Variants in KMT2D observed in about 807,000 individuals in gnomAD.
The protein encoded by KMT2D is lysine methyltransferase 2D.
A neutral mutation model predicts 512.7 loss-of-function variants in KMT2D; 55 were observed. The ratio of observed to expected loss-of-function variants is 0.11; its 90% CI spans 0.09 to 0.13. The LOEUF (loss-of-function observed/expected upper bound fraction) is 0.13, where lower values mean the gene tolerates loss of function less well. Ranked by LOEUF, KMT2D falls within the 10% of genes least tolerant of loss-of-function variation. KMT2D has a pLI of 1.00. For synonymous variants in KMT2D, 2,995 were observed against 2,904.0 expected, an observed-to-expected ratio of 1.03 and a Z score of -1.01; for missense variants, 6,061 against 7,127.9, an observed-to-expected ratio of 0.85 and a Z score of 5.39.
In KMT2D at chr12:49,026,060, G is replaced by A; in HGVS notation, c.15784+122C>T. The A allele has an allele frequency of 4.3e-6, 4 of 934,406 alleles. No individual in the cohort carries two copies. Among genetic ancestry groups the A allele is most frequent in the Non-Finnish European group, 6.3e-6 (4 of 636,228 alleles). 57.9% of individuals were successfully genotyped at this position (934,406 alleles called of 1,614,324 possible). On this transcript the variant is annotated intron_variant, in intron 49 of 54. Transcript: ENST00000301067. This position sits in a 1 kb window ranked among gnomAD's most constrained non-coding sequence, Gnocchi z 9.6. Reference sequence around the variant, plus strand: ...TTTTCAAGAGACCCCCTGCCTGCCTGAGGTGGGGGAAGGAGGATCATTCAC... The same window carrying A: ...TTTTCAAGAGACCCCCTGCCTGCCTAAGGTGGGGGAAGGAGGATCATTCAC...
chr12:49,048,531 G>A, intron 14 of KMT2D, 128 bp downstream of exon 14: 1 of 660,244 alleles, frequency 1.5e-6, no homozygotes. Context: ...TGAATAACAT[G>A]ATTAGAATTC....
chr12:49,043,606 C>T (rs1943641474), intron 24 of KMT2D, 29 bp downstream of exon 24: 1 of 1,613,038 alleles, frequency 6.2e-7, no homozygotes, highest in Non-Finnish European at 8.5e-7. Flanking sequence ...GTTGGATTCT[C>T]TCACACCACT....
At position 49,043,419 on chromosome 12, in the gene KMT2D, C is replaced by A. The variant is rs574989512; in HGVS notation, c.5477G>T (p.Gly1826Val). ...ELPTSQKGDD[G>V]PDIADEESRG... is the part of the protein sequence containing the mutation. Reference sequence around the variant, plus strand: ...GGATTCTTCATCTGCAATATCTGGACCATCATCTCCTATGAGCAAGAGTCC... The same window carrying A: ...GGATTCTTCATCTGCAATATCTGGAACATCATCTCCTATGAGCAAGAGTCC... Residue 1826 changes from glycine to valine, a missense_variant, in exon 25 of 55, where the codon GGT becomes GTT. Around this residue, in one of 16 missense-constraint regions of KMT2D, gnomAD observed 640 missense variants for 814.3 expected, o/e 0.79. Transcript: ENST00000301067. 707 of 1,613,920 alleles carry A rather than the reference C, an allele frequency of 4.4e-4. 13 individuals carry two copies. The South Asian group carries it at 7.5e-3, about 17-fold the overall frequency.
rs33963995 is a variant in KMT2D, at chr12:49,029,677, GTT to G, written c.14000-203_14000-202del. Among the ~76,000 whole-genome samples, 3,200 of 132,034 alleles carry G rather than the reference GTT, an allele frequency of 0.024. 102 individuals are homozygous for G. The highest frequency in any genetic ancestry group is 0.082 in the African/African-American group (2,929 of 35,570). The allele number at this position is 132,034 out of a possible 152,430, so 86.6% of individuals were successfully genotyped here. ...GGCACTGTTGTTTTTTGTTTTTTTT[GTT>G]TTTTTTTTTTTTTTCCCGTAGAGAT... On this transcript the variant is annotated intron_variant, in intron 43 of 54. Coordinates refer to ENST00000301067, the MANE Select transcript of KMT2D (RefSeq NM_003482.4).
intron 1 of KMT2D, among the ~76,000 whole-genome samples, chr12:49,057,832 T>G (rs190124007): frequency 1.2e-3 from 181 of 152,256 alleles, no homozygotes; most frequent in Non-Finnish European, 1.8e-3. Flanking sequence ...CCAGGCTTTC[T>G]CCACAGAACT....
In KMT2D at chr12:49,043,182, A is replaced by G; in HGVS notation, c.5538T>C (p.Pro1846=). ...GLEGKADTPG[P]EDGGVKASPV... is the part of the protein sequence containing the mutation. Reference sequence around the variant, plus strand: ...GGGATGCCTTCACGCCCCCATCCTCAGGTCCTGTAAATGCCAGGAGAAACC... The same window carrying G: ...GGGATGCCTTCACGCCCCCATCCTCGGGTCCTGTAAATGCCAGGAGAAACC... The change falls in exon 26 of 55, where the codon CCT becomes CCC. Residue 1846 remains proline (P), a synonymous_variant. Transcript: ENST00000301067. 6 of 1,613,602 alleles carry G rather than the reference A, an allele frequency of 3.7e-6. No homozygotes were observed. The highest frequency in any genetic ancestry group is 5.1e-6 in the Non-Finnish European group (6 of 1,179,556).
intron 10 of KMT2D, 21 bp downstream of exon 10, chr12:49,052,543 G>A (rs1938138100): frequency 6.2e-7 from 1 of 1,609,522 alleles, no homozygotes; most frequent in African/African-American, 1.3e-5. Flanking sequence ...TGAATTTCAG[G>A]GACCCTCAAA....
In KMT2D at chr12:49,039,672, GC is replaced by G. The variant is rs1565791286; in HGVS notation, c.8046+51del. On this transcript the variant is annotated intron_variant, in intron 32 of 54. Coordinates refer to ENST00000301067, the MANE Select transcript of KMT2D (RefSeq NM_003482.4). This position sits in a 1 kb window ranked among gnomAD's most constrained non-coding sequence, Gnocchi z 5.0. ...CCCATTCTACTCCAATCATAGGGCT[GC>G]CCCAGAGACAGGAGCGATATAGGGG... 2 of 1,602,654 alleles carry G rather than the reference GC, an allele frequency of 1.2e-6. No individual in the cohort carries two copies.
chr12:49,051,895 T>C lies in KMT2D; in HGVS notation c.1788A>G (p.Ala596=), dbSNP rs2120678433. 1 of 1,602,524 alleles carries C rather than the reference T, an allele frequency of 6.2e-7. No homozygotes were observed. Among genetic ancestry groups the C allele is most frequent in the Non-Finnish European group, 8.5e-7 (1 of 1,175,856 alleles). ...EESPMSPPPE[A]SRLFPPFEES... is the part of the protein sequence containing the mutation. Reference sequence around the variant, plus strand: ...CTTCAAATGGTGGGAACAGACGAGATGCCTCCGGTGGTGGAGACATGGGTG... The same window carrying C: ...CTTCAAATGGTGGGAACAGACGAGACGCCTCCGGTGGTGGAGACATGGGTG... Residue 596 remains alanine, a synonymous_variant, in exon 11 of 55, where the codon GCA becomes GCG. Coordinates refer to ENST00000301067, the MANE Select transcript of KMT2D (RefSeq NM_003482.4).
rs1042589852 is a variant in KMT2D at position 49,020,479 on chromosome 12, C to T, written c.*1301G>A. 13 of 195,736 alleles carry T rather than the reference C, an allele frequency of 6.6e-5. No homozygotes were observed. Among genetic ancestry groups the T allele is most frequent in the East Asian group, 2.3e-4 (3 of 12,822 alleles). 12.1% of individuals were successfully genotyped at this position (195,736 alleles called of 1,614,324 possible). On this transcript the variant is annotated 3_prime_UTR_variant, in exon 55 of 55. Transcript: ENST00000301067. ...TTAGTAGTTTTACATTTGCTCTCCC[C>T]GGGGGGTGGGGGGAGAGGGGAGGGT...
rs2120498866 is a variant in KMT2D, at chr12:49,038,497, C to G, written c.8859G>C (p.Lys2953Asn). ...CCAAACCAGTTGGCAGGGTAGGACC[C>G]TTGGTGTGGGGTGTTGGATGAAGAC... ...NNSLHPTPHTKGPTLPTGLEL... is the reference protein window; with the variant it reads ...NNSLHPTPHTNGPTLPTGLEL... The change falls in exon 35 of 55, where the codon AAG (lysine) becomes AAC (asparagine). Residue 2953 changes from lysine to asparagine, a missense_variant. Transcript: ENST00000301067. This position sits in a 1 kb window ranked among gnomAD's most constrained non-coding sequence, Gnocchi z 5.7. The G allele has an allele frequency of 6.2e-7, 1 of 1,606,480 alleles. No individual in the cohort carries two copies. Among genetic ancestry groups the G allele is most frequent in the Non-Finnish European group, 8.5e-7 (1 of 1,174,756 alleles).
chr12:49,042,942 C>T lies in KMT2D; in HGVS notation c.5645-64G>A, dbSNP rs2120561786. ...AAGTTCAGGTGACACCACAGGTCTACAAATGATCATGGCCAGGAACAGTCC... is the reference window on the plus strand; with the variant it reads ...AAGTTCAGGTGACACCACAGGTCTATAAATGATCATGGCCAGGAACAGTCC... On this transcript the variant is annotated intron_variant, in intron 26 of 54. Transcript: ENST00000301067. The surrounding 1 kb of genome is among the most constrained non-coding windows in gnomAD (Gnocchi z 4.4). 4 of 1,601,020 alleles carry T rather than the reference C, an allele frequency of 2.5e-6. No individual in the cohort carries two copies. The highest frequency in any genetic ancestry group is 3.4e-6 in the Non-Finnish European group (4 of 1,169,780).
At chr12:49,036,569 A>ACCTCTGCCT (rs1943230983) in intron 35 of KMT2D, among the ~76,000 whole-genome samples, 1 of 142,612 alleles carries the variant, frequency 7.0e-6, no homozygotes, top group South Asian at 2.2e-4. Context: ...GCTCACCACA[A>ACCTCTGCCT]CCTCTGCCTC....
intron 1 of KMT2D, among the ~76,000 whole-genome samples, chr12:49,058,918 G>A (rs546539468): frequency 1.3e-5 from 2 of 152,166 alleles, no homozygotes; most frequent in South Asian, 2.1e-4. Flanking sequence ...CAAGAGGAGG[G>A]GAGGCAAAGC....
At position 49,037,670 on chromosome 12, in the gene KMT2D, G is replaced by A. The variant is rs2120483974; in HGVS notation, c.9686C>T (p.Ser3229Phe). ...CTCCATCTTGTCTAGCTCATCCCCA[G>A]ATGCTGCAGGTCCACCAGGCAAGGT... is the stretch of plus-strand genomic sequence containing the variant. Reference protein sequence around the residue: ...ALTLPGGPAASGDELDKMESS... With the variant: ...ALTLPGGPAAFGDELDKMESS... Residue 3229 changes from serine (S) to phenylalanine (F), a missense_variant, in exon 35 of 55, where the codon TCT becomes TTT. Around this residue, in one of 16 missense-constraint regions of KMT2D, gnomAD observed 533 missense variants for 539.6 expected, o/e 0.99. Coordinates refer to ENST00000301067, the MANE Select transcript of KMT2D (RefSeq NM_003482.4). 6.3e-7 allele frequency: 1 copy of A among 1,582,914 alleles called. No individual in the cohort carries two copies. The highest frequency in any genetic ancestry group is 8.6e-7 in the Non-Finnish European group (1 of 1,164,390).
At chr12:49,030,256 G>A (rs907465868) in intron 43 of KMT2D, 24 bp downstream of exon 43, 5 of 1,580,212 alleles carry the variant, frequency 3.2e-6, no homozygotes, top group Non-Finnish European at 4.3e-6. Context: ...ACTCCACCAG[G>A]GGTGGCATCT....
In KMT2D at chr12:49,042,095, A is replaced by G; in HGVS notation, c.6103T>C (p.Tyr2035His). ...GCCCTCATCCCACAGGTACCTGGGT[A>G]GTCTTGCTTGAGATTAGGAAAATTA... ...NINFPNLKQD[Y>H]PDWSSRCKQI... is the part of the protein sequence containing the mutation. Residue 2035 changes from tyrosine to histidine, a missense_variant, in exon 29 of 55, where the codon TAC becomes CAC. Transcript: ENST00000301067. The surrounding 1 kb of genome is among the most constrained non-coding windows in gnomAD (Gnocchi z 4.4). 6.2e-7 allele frequency: 1 copy of G among 1,613,792 alleles called. No homozygotes were observed. The highest frequency in any genetic ancestry group is 8.5e-7 in the Non-Finnish European group (1 of 1,179,760).
rs377409037 is a variant in KMT2D at position 49,040,366 on chromosome 12, C to T, written c.7404G>A (p.Lys2468=). Residue 2468 remains lysine (K), a synonymous_variant, in exon 32 of 55, where the codon AAG becomes AAA. Coordinates refer to ENST00000301067, the MANE Select transcript of KMT2D (RefSeq NM_003482.4). ...QSRDPFAPLH[K]PPRPQPPEVA... Reference sequence around the variant, plus strand: ...CTTCAGGGGGCTGGGGTCGGGGTGGCTTATGCAATGGGGCAAATGGGTCAC... The same window carrying T: ...CTTCAGGGGGCTGGGGTCGGGGTGGTTTATGCAATGGGGCAAATGGGTCAC... The T allele has an allele frequency of 8.9e-6, 14 of 1,565,674 alleles. No individual in the cohort carries two copies. The African/African-American group carries it at 1.6e-4, about 18-fold the overall frequency.
intron 46 of KMT2D, 79 bp downstream of exon 46, chr12:49,028,749 T>G (rs1942738421): frequency 7.0e-6 from 11 of 1,572,276 alleles, no homozygotes; most frequent in Admixed American, 3.6e-5. Flanking sequence ...AACGACTACA[T>G]TTTTCCTTAT....
Sources: allele counts gnomAD v4.1 joint callset (sites outside exome capture counted in the v4.1 genomes callset), GRCh38; gene constraint gnomAD v4.1.1; regional missense constraint gnomAD v4.1.1; non-coding constraint Gnocchi (gnomAD v3.1); transcripts MANE v1.5; gene names NCBI Gene and HGNC (gene_info 2026-07-23, HGNC 2026-07-21).